GALNT10: variants seen among roughly 807,000 people sequenced by gnomAD.
GALNT10 encodes GalNAc transferase 10.
GALNT10 carries 41 observed loss-of-function variants against 75.0 expected under a neutral mutation model. The observed-to-expected ratio is 0.55, with a 90% confidence interval of 0.43 to 0.71. The LOEUF (loss-of-function observed/expected upper bound fraction) is 0.71, where lower values mean the gene tolerates loss of function less well. Among genes scored for constraint, GALNT10 ranks in the 30% least tolerant of loss-of-function variants. The pLI, the probability that GALNT10 is intolerant of heterozygous loss-of-function variation, is 0.00. For missense variants in GALNT10, 727 were observed against 818.5 expected (o/e 0.89, Z 1.36); for synonymous variants, 302 against 313.0 (o/e 0.96, Z 0.37).
rs79324689 is a variant in GALNT10 at position 154,390,806 on chromosome 5, T to A, written c.1056+4376T>A. The stretch of plus-strand genomic sequence containing the variant: ...TCATTCTATGTGTTTCAAAGACCCA[T>A]CTACTGATGCTCATCAGGCAATTAT... On this transcript the variant is annotated intron_variant, in intron 7 of 11. Coordinates refer to ENST00000297107, the MANE Select transcript of GALNT10 (RefSeq NM_198321.4). Among the ~76,000 whole-genome samples the A allele has an allele frequency of 3.3e-4, 50 of 152,332 alleles. No homozygotes were observed. The East Asian group carries it at 7.9e-3, about 24-fold the overall frequency.
intron 1 of GALNT10, among the ~76,000 whole-genome samples, chr5:154,205,137 A>T (rs12655853): frequency 0.44 from 67,344 of 152,026 alleles, 15,762 homozygotes; most frequent in East Asian, 0.78. Context: ...GTGTTCTCAT[A>T]GTGGGGGAAG....
intron 1 of GALNT10, among the ~76,000 whole-genome samples, chr5:154,249,770 C>T (rs149574320): frequency 1.3e-5 from 2 of 152,270 alleles, no homozygotes; most frequent in African/African-American, 4.8e-5. Flanking sequence ...ACAGGGCTGC[C>T]CTTTACCCTA....
chr5:154,347,153 T>C, intron 4 of GALNT10: 1 of 514,678 alleles, frequency 1.9e-6, no homozygotes, highest in South Asian at 1.4e-5. Context: ...CACCGAGTCC[T>C]GTGAGGTTGG....
chr5:154,219,838 T>TCTCTCA (rs1491445463), intron 1 of GALNT10, among the ~76,000 whole-genome samples: 12 of 125,550 alleles, frequency 9.6e-5, no homozygotes, highest in African/African-American at 2.3e-4. Flanking sequence ...TCTCTCTCTC[T>TCTCTCA]CACACACACA....
intron 8 of GALNT10, among the ~76,000 whole-genome samples, chr5:154,404,593 A>G (rs2113212798): frequency 6.6e-6 from 1 of 152,324 alleles, no homozygotes; most frequent in African/African-American, 2.4e-5. Flanking sequence ...GTTAATGTGG[A>G]TTCTAAATTA....
chr5:154,356,099 T>G, intron 4 of GALNT10: 1 of 455,886 alleles, frequency 2.2e-6, no homozygotes. Flanking sequence ...CATTTCATCT[T>G]CAGTGGAATC....
chr5:154,358,357 CCAA>C (rs1369783438), intron 4 of GALNT10, among the ~76,000 whole-genome samples: 6 of 152,176 alleles, frequency 3.9e-5, no homozygotes, highest in African/African-American at 1.2e-4. Context: ...ACAATCACCA[CCAA>C]CAAGTGTAAA....
At chr5:154,208,484 C>G (rs1397703385) in intron 1 of GALNT10, among the ~76,000 whole-genome samples, 5 of 145,278 alleles carry the variant, frequency 3.4e-5, no homozygotes, top group African/African-American at 7.3e-5. Flanking sequence ...TTTATTTTCT[C>G]TCTCTCATTT....
At chr5:154,399,645 C>G (rs1756116803) in intron 7 of GALNT10, among the ~76,000 whole-genome samples, 1 of 152,230 alleles carries the variant, frequency 6.6e-6, no homozygotes, top group Admixed American at 6.5e-5. Context: ...ATGAGGTCAT[C>G]TTTCTCTCTA....
At chr5:154,200,386 CAG>C (rs766164103) in intron 1 of GALNT10, among the ~76,000 whole-genome samples, 7 of 152,238 alleles carry the variant, frequency 4.6e-5, no homozygotes, top group East Asian at 1.9e-4. Flanking sequence ...GAGGGGCCGA[CAG>C]GGGCTCCTGG....
At chr5:154,248,445 C>CT (rs1753465863) in intron 1 of GALNT10, among the ~76,000 whole-genome samples, 1 of 152,074 alleles carries the variant, frequency 6.6e-6, no homozygotes, top group Non-Finnish European at 1.5e-5. Context: ...TGGTCCTGGA[C>CT]TTTTTTTGGT....
At chr5:154,301,235 T>G (rs1478023966) in intron 3 of GALNT10, among the ~76,000 whole-genome samples, 1 of 152,216 alleles carries the variant, frequency 6.6e-6, no homozygotes, top group Non-Finnish European at 1.5e-5. Flanking sequence ...CAGTTGTGAA[T>G]GTAGGCAACA....
intron 3 of GALNT10, among the ~76,000 whole-genome samples, chr5:154,319,653 G>A (rs1249133560): frequency 6.6e-6 from 1 of 152,224 alleles, no homozygotes; most frequent in Non-Finnish European, 1.5e-5. Context: ...CTGGCCCACA[G>A]TGGTAGCCAT....
At chr5:154,211,037 C>A (rs1405666282) in intron 1 of GALNT10, among the ~76,000 whole-genome samples, 1 of 152,190 alleles carries the variant, frequency 6.6e-6, no homozygotes, top group African/African-American at 2.4e-5. Flanking sequence ...ATACAGGATC[C>A]TCTGTACCAG....
chr5:154,295,395 G>T (rs1376642919), intron 2 of GALNT10, among the ~76,000 whole-genome samples: 1 of 151,738 alleles, frequency 6.6e-6, no homozygotes, highest in Non-Finnish European at 1.5e-5. Flanking sequence ...AATAAGAAGG[G>T]GCCTGTGGCG....
chr5:154,320,047 G>A (rs186866863), intron 3 of GALNT10, among the ~76,000 whole-genome samples: 1 of 152,186 alleles, frequency 6.6e-6, no homozygotes, highest in African/African-American at 2.4e-5. Flanking sequence ...ATTTGAGCAG[G>A]TCACACAATT....
At chr5:154,216,232 A>G (rs899198646) in intron 1 of GALNT10, among the ~76,000 whole-genome samples, 2 of 152,128 alleles carry the variant, frequency 1.3e-5, no homozygotes, top group Admixed American at 6.5e-5. Context: ...AGCTCTTTTT[A>G]AAGTTGTAAT....
chr5:154,220,772 A>G (rs147858490), intron 1 of GALNT10, among the ~76,000 whole-genome samples: 1 of 152,164 alleles, frequency 6.6e-6, no homozygotes, highest in Non-Finnish European at 1.5e-5. Flanking sequence ...AAGTCCAGGT[A>G]CCTTTCTGAC....
At chr5:154,249,279 A>G (rs1355688092) in intron 1 of GALNT10, among the ~76,000 whole-genome samples, 1 of 152,226 alleles carries the variant, frequency 6.6e-6, no homozygotes, top group Non-Finnish European at 1.5e-5. Context: ...ATAAGTTTCT[A>G]GGAGATGCTA....
Sources: gnomAD v4.1 joint callset for allele counts (sites outside exome capture counted in the v4.1 genomes callset) on GRCh38, gnomAD v4.1.1 for gene constraint, MANE v1.5 for transcripts, NCBI Gene and HGNC (gene_info 2026-07-23, HGNC 2026-07-21) for gene names.